AGBL1: variants seen among roughly 807,000 people sequenced by gnomAD.
AGBL1 encodes cytosolic carboxypeptidase 4.
AGBL1 carries 130 observed loss-of-function variants against 118.9 expected under a neutral mutation model. That is an observed-to-expected ratio of 1.09 (90% confidence interval 0.95 to 1.26). The LOEUF (loss-of-function observed/expected upper bound fraction) is 1.26. Among genes scored for constraint, AGBL1 ranks in the 50% most tolerant of loss-of-function variants. AGBL1 has a pLI of 0.00. For missense variants in AGBL1, 1,584 were observed against 1,298.1 expected, an observed-to-expected ratio of 1.22 and a Z score of -3.38; for synonymous variants, 555 against 478.9, an observed-to-expected ratio of 1.16 and a Z score of -2.08.
intron 22 of AGBL1, among the ~76,000 whole-genome samples, chr15:86,776,882 T>A (rs1188318752): frequency 6.6e-6 from 1 of 151,822 alleles, no homozygotes; most frequent in Non-Finnish European, 1.5e-5. Context: ...TATTTTTTGC[T>A]AGTTTTACTT....
intron 6 of AGBL1, among the ~76,000 whole-genome samples, chr15:86,225,259 C>T (rs1398773454): frequency 6.6e-6 from 1 of 151,792 alleles, no homozygotes; most frequent in Non-Finnish European, 1.5e-5. Context: ...CTGATGGACC[C>T]TCCACCCCTG....
intron 23 of AGBL1, among the ~76,000 whole-genome samples, chr15:86,979,871 A>G (rs567102715): frequency 4.3e-4 from 66 of 152,254 alleles, no homozygotes; most frequent in Non-Finnish European, 6.8e-4. Flanking sequence ...CATCTCATAC[A>G]CATCTCACTG....
intron 5 of AGBL1, among the ~76,000 whole-genome samples, chr15:86,216,049 T>A (rs2078182538): frequency 6.6e-6 from 1 of 152,224 alleles, no homozygotes; most frequent in South Asian, 2.1e-4. Flanking sequence ...CATTTCTGAA[T>A]TTTCATTGCT....
chr15:86,379,421 C>T (rs1428268829), intron 17 of AGBL1, among the ~76,000 whole-genome samples: 1 of 152,064 alleles, frequency 6.6e-6, no homozygotes, highest in Non-Finnish European at 1.5e-5. Flanking sequence ...GAGTGGTTCT[C>T]ATTCAAACTA....
chr15:86,777,048 C>T (rs2078267178), intron 22 of AGBL1, among the ~76,000 whole-genome samples: 1 of 151,786 alleles, frequency 6.6e-6, no homozygotes, highest in Non-Finnish European at 1.5e-5. Context: ...AGTATTTTAT[C>T]TAGCTGAAAT....
chr15:86,439,786 C>T (rs969754158), intron 18 of AGBL1, among the ~76,000 whole-genome samples: 4 of 152,194 alleles, frequency 2.6e-5, no homozygotes, highest in African/African-American at 9.7e-5. Flanking sequence ...CCTCCTCTCT[C>T]CAACAGCTGC....
intron 22 of AGBL1, among the ~76,000 whole-genome samples, chr15:86,903,751 G>A (rs542182624): frequency 2.6e-5 from 4 of 152,290 alleles, no homozygotes; most frequent in Admixed American, 2.0e-4. Flanking sequence ...GGGGCTCCTT[G>A]CTACTGCTGG....
intron 22 of AGBL1, among the ~76,000 whole-genome samples, chr15:86,689,638 G>T (rs946773848): frequency 6.6e-6 from 1 of 151,738 alleles, no homozygotes; most frequent in Non-Finnish European, 1.5e-5. Context: ...ACCTTGATGG[G>T]GATTTACACC....
At chr15:86,877,051 C>T (rs1480502349) in intron 22 of AGBL1, among the ~76,000 whole-genome samples, 2 of 152,180 alleles carry the variant, frequency 1.3e-5, no homozygotes, top group Non-Finnish European at 2.9e-5. Context: ...TCATCTCACT[C>T]ACTGCACTTA....
At chr15:86,089,283 A>G (rs1194421467) in intron 1 of AGBL1, among the ~76,000 whole-genome samples, 1 of 152,238 alleles carries the variant, frequency 6.6e-6, no homozygotes, top group Non-Finnish European at 1.5e-5. Context: ...AGTTAGTTCT[A>G]TGGGAAACCC....
chr15:86,658,607 C>T (rs990549001), intron 21 of AGBL1, among the ~76,000 whole-genome samples: 6 of 152,114 alleles, frequency 3.9e-5, no homozygotes, highest in Non-Finnish European at 8.8e-5. Flanking sequence ...TTGGTTTTGG[C>T]CAGTGTTTCT....
At chr15:87,001,520 G>A (rs2081437275) in intron 24 of AGBL1, among the ~76,000 whole-genome samples, 1 of 152,050 alleles carries the variant, frequency 6.6e-6, no homozygotes, top group Non-Finnish European at 1.5e-5. Flanking sequence ...GGGACAAATG[G>A]TATTTCTAGT....
chr15:86,763,802 T>A (rs1194154700), intron 22 of AGBL1, among the ~76,000 whole-genome samples: 1 of 152,076 alleles, frequency 6.6e-6, no homozygotes, highest in Non-Finnish European at 1.5e-5. Context: ...TGGAATTCTT[T>A]GATTCTAACT....
chr15:86,313,705 T>C (rs1048627555), intron 17 of AGBL1, among the ~76,000 whole-genome samples: 1 of 152,262 alleles, frequency 6.6e-6, no homozygotes. Flanking sequence ...ATTATTGACT[T>C]CAAGTTATTA....
intron 22 of AGBL1, among the ~76,000 whole-genome samples, chr15:86,874,139 G>C (rs2079769763): frequency 6.6e-6 from 1 of 152,066 alleles, no homozygotes; most frequent in Non-Finnish European, 1.5e-5. Context: ...ATAACTGCCT[G>C]CATTATTTCC....
At chr15:86,268,119 T>C (rs2079102267) in intron 13 of AGBL1, among the ~76,000 whole-genome samples, 1 of 152,228 alleles carries the variant, frequency 6.6e-6, no homozygotes, top group South Asian at 2.1e-4. Flanking sequence ...ATATTCGCCA[T>C]TGTTGGAGCT....
chr15:86,105,163 C>G (rs1347736336), intron 1 of AGBL1: 1 of 152,212 alleles, frequency 6.6e-6, no homozygotes, highest in Non-Finnish European at 1.5e-5. Context: ...GAGGCAAGTA[C>G]CAGATGCCTC....
At chr15:86,440,789 A>C (rs1026338046) in intron 18 of AGBL1, among the ~76,000 whole-genome samples, 3 of 152,196 alleles carry the variant, frequency 2.0e-5, no homozygotes, top group Non-Finnish European at 2.9e-5. Flanking sequence ...GCTTCCATCA[A>C]ACTCCAGAAC....
Position 86,389,335 on chromosome 15 carries a change from G to C in AGBL1, c.2375-8031G>C, listed in dbSNP as rs2081244392. ...CCTAAAGACTGTTAAAAGCTGTCAAGTTCTTGCACAATCTTGGTGGAAGAA... is the reference window on the plus strand; with the variant it reads ...CCTAAAGACTGTTAAAAGCTGTCAACTTCTTGCACAATCTTGGTGGAAGAA... On this transcript the variant is annotated intron_variant, in intron 17 of 22. Transcript: ENST00000614907. Among the ~76,000 whole-genome samples the C allele has an allele frequency of 3.3e-5, 5 of 152,214 alleles. No individual in the cohort carries two copies. In the South Asian group the frequency reaches 1.0e-3, roughly 32 times the overall value.
Sources: allele counts gnomAD v4.1 joint callset (sites outside exome capture counted in the v4.1 genomes callset), GRCh38; gene constraint gnomAD v4.1.1; transcripts MANE v1.5; gene names NCBI Gene and HGNC (gene_info 2026-07-23, HGNC 2026-07-21).